Variants in CLASRP observed in about 807,000 individuals in gnomAD.
The protein encoded by CLASRP is CLK4 associating serine/arginine rich protein.
Under a neutral mutation model 99.9 loss-of-function variants are expected in CLASRP, and 52 were observed. The observed-to-expected ratio is 0.52, with a 90% CI of 0.42 to 0.66. The LOEUF (loss-of-function observed/expected upper bound fraction) is 0.66, where lower values mean the gene tolerates loss of function less well. CLASRP is among the 30% of genes least tolerant of loss of function. The probability of loss-of-function intolerance (pLI) is 0.00; values close to 1 mark genes in which losing one functional copy is unlikely to be tolerated. For synonymous variants in CLASRP, 379 were observed against 373.0 expected, an observed-to-expected ratio of 1.02 and a Z score of -0.18; for missense variants, 848 against 999.2, an observed-to-expected ratio of 0.85 and a Z score of 2.04.
Position 45,070,855 on chromosome 19 carries a change from T to TG in CLASRP, c.*16dup. The TG allele has an allele frequency of 8.4e-6, 9 of 1,068,362 alleles. No homozygotes were observed. Among genetic ancestry groups the TG allele is most frequent in the Non-Finnish European group, 1.1e-5 (8 of 761,094 alleles). 66.2% of individuals were successfully genotyped at this position (1,068,362 alleles called of 1,614,324 possible). On this transcript the variant is annotated 3_prime_UTR_variant, in exon 21 of 21. Transcript: ENST00000221455. ...CCATTACCGACATTAGGCAGAAGAG[T>TG]GGGGGGTGGGGAGGACAAGGGGGTG...
rs10406578 is a variant in CLASRP, at chr19:45,064,291, G to A, written c.1122-52G>A. ...ACCATGGGGGGTACCCGGGGCAGAG[G>A]GGGGCCGCGGCTCAGGCCTGCGCTG... On this transcript the variant is annotated intron_variant, in intron 12 of 20. Coordinates refer to ENST00000221455, the MANE Select transcript of CLASRP (RefSeq NM_007056.3). 1,824 of 1,510,008 alleles carry A rather than the reference G, an allele frequency of 1.2e-3. 15 individuals carry two copies. The African/African-American group carries it at 0.022, about 18-fold the overall frequency. 93.5% of individuals were successfully genotyped at this position (1,510,008 alleles called of 1,614,324 possible). A position where few individuals can be genotyped will look rare whatever the true frequency, so the allele number is the denominator to read the frequency against.
intron 7 of CLASRP, among the ~76,000 whole-genome samples, chr19:45,059,054 C>T (rs1456131140): frequency 6.6e-6 from 1 of 152,138 alleles, no homozygotes; most frequent in African/African-American, 2.4e-5. Context: ...GCCCTGTCCC[C>T]GAGCTGCCTC....
intron 1 of CLASRP, 145 bp from the exon 2 acceptor site, chr19:45,040,039 C>T (rs1464699764): frequency 1.5e-5 from 8 of 533,690 alleles, no homozygotes; most frequent in Non-Finnish European, 2.7e-5. Flanking sequence ...ATCTGGCATA[C>T]TGTTCTGCAG....
At chr19:45,058,842 G>A (rs1489053639) in intron 7 of CLASRP, among the ~76,000 whole-genome samples, 1 of 149,658 alleles carries the variant, frequency 6.7e-6, no homozygotes, top group African/African-American at 2.5e-5. Flanking sequence ...TTCCGCCCCT[G>A]TTCAGTCCTC....
In CLASRP at chr19:45,052,148, C is replaced by G; in HGVS notation, c.177C>G (p.Ala59=). The G allele has an allele frequency of 6.2e-7, 1 of 1,613,900 alleles. No homozygotes were observed. The highest frequency in any genetic ancestry group is 8.5e-7 in the Non-Finnish European group (1 of 1,179,982). The change falls in exon 3 of 21, where the codon GCC becomes GCG. Residue 59 remains alanine, a synonymous_variant. Coordinates refer to ENST00000221455, the MANE Select transcript of CLASRP (RefSeq NM_007056.3). The part of the protein sequence containing the change: ...KVHLDSAVAL[A]AESPVNMMPW... ...ACCTGGATTCTGCAGTCGCCCTGGC[C>G]GCTGAGAGCCCTGTTAATATGTAAG...
At position 45,067,498 on chromosome 19, in the gene CLASRP, G is replaced by A. The variant is rs1009977991; in HGVS notation, c.1571G>A (p.Arg524His). The part of the protein sequence containing the change: ...HSPSPSQSRS[R>H]SRSRSQSPSP... ...CCCAGCCCCAGCCAGAGCCGCAGCC[G>A]CAGCCGCAGCCGCAGCCAGAGCCCC... Residue 524 changes from arginine (R) to histidine (H), a missense_variant, in exon 14 of 21, where the codon CGC becomes CAC. By Grantham distance (29) the Arg-to-His change is conservative. Transcript: ENST00000221455. The surrounding 1 kb of genome is among the most constrained non-coding windows in gnomAD (Gnocchi z 4.9). 20 of 1,583,694 alleles carry A rather than the reference G, an allele frequency of 1.3e-5. No homozygotes were observed. The highest frequency in any genetic ancestry group is 4.6e-5 in the East Asian group (2 of 43,634).
At chr19:45,055,332 C>G (rs956088934) in intron 5 of CLASRP, among the ~76,000 whole-genome samples, 2 of 152,172 alleles carry the variant, frequency 1.3e-5, no homozygotes, top group African/African-American at 4.8e-5. Flanking sequence ...CTGTGTCAGC[C>G]AGGACTGTGA....
chr19:45,069,000 AAAAAG>A (rs1967167633), intron 16 of CLASRP, 61 bp from the exon 17 acceptor site: 4 of 1,445,684 alleles, frequency 2.8e-6, no homozygotes, highest in Non-Finnish European at 3.8e-6. Flanking sequence ...AAAAAAAAAA[AAAAAG>A]AAAAAAGAGA....
intron 2 of CLASRP, among the ~76,000 whole-genome samples, chr19:45,046,537 T>A (rs939003191): frequency 3.3e-5 from 5 of 152,216 alleles, no homozygotes; most frequent in Non-Finnish European, 7.3e-5. Context: ...CCACTCTAGG[T>A]TGTCCTTGTA....
chr19:45,070,225 G>A lies in CLASRP; in HGVS notation c.1957+121G>A, dbSNP rs1967205314. ...CTCACGCCTGTAATCCCAGCACTTT[G>A]GGAGGCTGAGGTGGGTGGATCAATC... On this transcript the variant is annotated intron_variant, in intron 19 of 20. Coordinates refer to ENST00000221455, the MANE Select transcript of CLASRP (RefSeq NM_007056.3). The A allele has an allele frequency of 6.7e-5, 48 of 714,368 alleles. No homozygotes were observed. In the South Asian group the frequency reaches 7.3e-4, roughly 11 times the overall value. The allele number at this position is 714,368 out of a possible 1,614,324, so 44.3% of individuals were successfully genotyped here. A position where few individuals can be genotyped will look rare whatever the true frequency, so the allele number is the denominator to read the frequency against.
At chr19:45,061,326 A>G (rs1415259960) in intron 10 of CLASRP, among the ~76,000 whole-genome samples, 1 of 152,332 alleles carries the variant, frequency 6.6e-6, no homozygotes, top group East Asian at 1.9e-4. Flanking sequence ...AGAGGCACAC[A>G]GAGGGTAGTG....
chr19:45,059,153 T>A (rs1208079938), intron 7 of CLASRP, 115 bp from the exon 8 acceptor site: 1 of 834,638 alleles, frequency 1.2e-6, no homozygotes, highest in Non-Finnish European at 2.0e-6. Flanking sequence ...CATCCCTTCC[T>A]GAAGAATCCC....
At chr19:45,044,771 A>C (rs770408065) in intron 2 of CLASRP, among the ~76,000 whole-genome samples, 1 of 152,046 alleles carries the variant, frequency 6.6e-6, no homozygotes, top group Admixed American at 6.6e-5. Flanking sequence ...CAAAAAAGAA[A>C]GGTGAGGTGA....
Position 45,063,997 on chromosome 19 carries a change from C to T in CLASRP, c.906-15C>T, listed in dbSNP as rs1321679998. 4 of 1,597,294 alleles carry T rather than the reference C, an allele frequency of 2.5e-6. No homozygotes were observed. In the East Asian group the frequency reaches 6.8e-5, roughly 27 times the overall value. On this transcript the variant is annotated splice_polypyrimidine_tract_variant and intron_variant, in intron 11 of 20. Coordinates refer to ENST00000221455, the MANE Select transcript of CLASRP (RefSeq NM_007056.3). ...GGGAGCCTGAGCTAGTGAGCCTCCTCCTCCCTACCCGCAGGTCACCCTCGG... is the reference window on the plus strand; with the variant it reads ...GGGAGCCTGAGCTAGTGAGCCTCCTTCTCCCTACCCGCAGGTCACCCTCGG...
At chr19:45,047,295 C>A (rs1168840904) in intron 2 of CLASRP, among the ~76,000 whole-genome samples, 1 of 151,818 alleles carries the variant, frequency 6.6e-6, no homozygotes, top group Non-Finnish European at 1.5e-5. Context: ...ATTGTATGAT[C>A]CGCTGATAAG....
At chr19:45,062,483 T>C (rs1966962949) in intron 11 of CLASRP, among the ~76,000 whole-genome samples, 1 of 152,230 alleles carries the variant, frequency 6.6e-6, no homozygotes, top group East Asian at 1.9e-4. Flanking sequence ...GTTCACGCCA[T>C]TCTCCTGCCT....
intron 2 of CLASRP, among the ~76,000 whole-genome samples, 187 bp from the exon 3 acceptor site, chr19:45,051,884 C>T (rs574383419): frequency 2.0e-5 from 3 of 151,958 alleles, no homozygotes; most frequent in Admixed American, 6.6e-5. Flanking sequence ...AGGAGAATGG[C>T]GTGAACCTGG....
rs761472417 is a variant in CLASRP at position 45,065,388 on chromosome 19, C to CAA, written c.1409+780_1409+781dup. Among the ~76,000 whole-genome samples, 410 of 84,784 alleles carry CAA rather than the reference C, an allele frequency of 4.8e-3. 4 individuals carry two copies. Among genetic ancestry groups the CAA allele is most frequent in the African/African-American group, 0.015 (369 of 25,002 alleles). The allele number at this position is 84,784 out of a possible 152,430, so 55.6% of individuals were successfully genotyped here. ...CTGGTGACAGAGTGAGATTCCGTCT[C>CAA]AAAAAAAAAAAAAAAAAAAAAAATT... is the stretch of plus-strand genomic sequence containing the variant. On this transcript the variant is annotated intron_variant, in intron 13 of 20. Transcript: ENST00000221455.
intron 2 of CLASRP, among the ~76,000 whole-genome samples, chr19:45,041,341 T>C (rs1234020558): frequency 6.6e-6 from 1 of 151,990 alleles, no homozygotes; most frequent in African/African-American, 2.4e-5. Context: ...AAGACCAAAC[T>C]ATCCCTGGCC....
Sources: gnomAD v4.1 joint callset for allele counts (sites outside exome capture counted in the v4.1 genomes callset) on GRCh38, gnomAD v4.1.1 for gene constraint, Gnocchi (gnomAD v3.1) non-coding constraint, MANE v1.5 for transcripts, NCBI Gene and HGNC (gene_info 2026-07-23, HGNC 2026-07-21) for gene names.